The following TSNAXIP1 variants were observed in gnomAD, a reference collection of about 807,000 sequenced individuals.
TSNAXIP1 encodes translin associated factor X interacting protein 1, also known as translin-associated factor X-interacting protein 1.
In TSNAXIP1, 89 loss-of-function variants were observed where a neutral mutation model predicts 84.8. That is an observed-to-expected ratio of 1.05 (90% CI 0.88 to 1.25). TSNAXIP1 has a LOEUF of 1.25. Among genes scored for constraint, TSNAXIP1 ranks in the 50% most tolerant of loss-of-function variants. The pLI, the probability that TSNAXIP1 is intolerant of heterozygous loss-of-function variation, is 0.00. For synonymous variants in TSNAXIP1, 347 were observed against 335.2 expected (o/e 1.04, Z -0.39); for missense variants, 874 against 887.6 (o/e 0.98, Z 0.20).
In TSNAXIP1 at chr16:67,826,428, C is replaced by T. The variant is rs1708055865; in HGVS notation, c.1276-9C>T. 1.2e-6 allele frequency: 2 copies of T among 1,613,274 alleles called. No individual in the cohort carries two copies. The highest frequency in any genetic ancestry group is 1.7e-6 in the Non-Finnish European group (2 of 1,179,964). On this transcript the variant is annotated splice_polypyrimidine_tract_variant and intron_variant, in intron 10 of 15. Transcript: ENST00000561639. ...GGGTCCAGAGATGAGCTGATATCCT[C>T]CCTCCTAGGGCTATGGGGAAGCCAT... is the stretch of plus-strand genomic sequence containing the variant.
intron 2 of TSNAXIP1, among the ~76,000 whole-genome samples, chr16:67,814,806 C>T: frequency 6.6e-6 from 1 of 152,116 alleles, no homozygotes; most frequent in Non-Finnish European, 1.5e-5. Context: ...GTGACTGTAT[C>T]TTTCTATCTT....
In TSNAXIP1 at chr16:67,809,266, G is replaced by A. The variant is rs183177304; in HGVS notation, c.47+2070G>A. On this transcript the variant is annotated intron_variant, in intron 1 of 15. Coordinates refer to ENST00000561639, the MANE Select transcript of TSNAXIP1 (RefSeq NM_001288990.3). ...GCGCGGATCACGGGGTCAAAAGATC[G>A]AGACAATCCTGGCCAACATGGTAAA... Among the ~76,000 whole-genome samples, 828 of 147,448 alleles carry A rather than the reference G, an allele frequency of 5.6e-3. 2 individuals are homozygous for A. Among genetic ancestry groups the A allele is most frequent in the Non-Finnish European group, 0.01 (682 of 67,026 alleles).
intron 2 of TSNAXIP1, among the ~76,000 whole-genome samples, chr16:67,819,386 G>A (rs139290028): frequency 0.03 from 4,410 of 148,640 alleles, 93 homozygotes; most frequent in Middle Eastern, 0.17. Context: ...TGGGAATACA[G>A]GCGTGTGCCA....
intron 2 of TSNAXIP1, among the ~76,000 whole-genome samples, chr16:67,820,619 C>T (rs562781484): frequency 2.8e-4 from 42 of 151,962 alleles, no homozygotes; most frequent in Non-Finnish European, 5.4e-4. Flanking sequence ...GTGGTGGGTG[C>T]TTGTAATCTC....
At chr16:67,823,554 A>G (rs1037924212) in intron 4 of TSNAXIP1, 72 bp from the exon 5 acceptor site, 1 of 1,315,976 alleles carries the variant, frequency 7.6e-7, no homozygotes, top group African/African-American at 1.5e-5. Flanking sequence ...GGAAAAAAGA[A>G]AAAGAAAAAC....
chr16:67,826,089 G>T lies in TSNAXIP1; in HGVS notation c.1144+13G>T, dbSNP rs199844967. Reference sequence around the variant, plus strand: ...ACCAAGTGCAAAGGTGAGGGCAGCCGGCAGGGCCCCAGGTCCTGCTTACAT... The same window carrying T: ...ACCAAGTGCAAAGGTGAGGGCAGCCTGCAGGGCCCCAGGTCCTGCTTACAT... On this transcript the variant is annotated intron_variant, in intron 9 of 15. Coordinates refer to ENST00000561639, the MANE Select transcript of TSNAXIP1 (RefSeq NM_001288990.3). 143 of 1,613,214 alleles carry T rather than the reference G, an allele frequency of 8.9e-5. No individual in the cohort carries two copies. Among genetic ancestry groups the T allele is most frequent in the Non-Finnish European group, 1.2e-4 (136 of 1,180,034 alleles).
In TSNAXIP1 at chr16:67,821,114, C is replaced by A. The variant is rs2057015951; in HGVS notation, c.276C>A (p.His92Gln). 1 of 1,613,278 alleles carries A rather than the reference C, an allele frequency of 6.2e-7. No individual in the cohort carries two copies. Among genetic ancestry groups the A allele is most frequent in the South Asian group, 1.1e-5 (1 of 91,000 alleles). Residue 92 changes from histidine (H) to glutamine (Q), a missense_variant, in exon 4 of 16, where the codon CAC (histidine) becomes CAA (glutamine). By Grantham distance (24) the His-to-Gln change is conservative. Transcript: ENST00000561639. ...YRKRVGSCQQHPFRTAKPQYL... is the reference protein window; with the variant it reads ...YRKRVGSCQQQPFRTAKPQYL... ...TCCCCTGCAGGAGCTGCCAGCAGCA[C>A]CCCTTTCGCACTGCCAAGCCCCAGT...
intron 6 of TSNAXIP1, 116 bp from the exon 7 acceptor site, chr16:67,825,021 T>A: frequency 7.1e-7 from 1 of 1,401,332 alleles, no homozygotes; most frequent in South Asian, 1.4e-5. Flanking sequence ...TTCTTTCACC[T>A]TTCCTGTTCA....
chr16:67,810,488 G>T (rs2055954018), intron 1 of TSNAXIP1, among the ~76,000 whole-genome samples: 1 of 151,710 alleles, frequency 6.6e-6, no homozygotes, highest in South Asian at 2.1e-4. Context: ...GCTTGGTGGT[G>T]CTCACCTGCA....
intron 2 of TSNAXIP1, among the ~76,000 whole-genome samples, chr16:67,815,407 C>T (rs1286881551): frequency 7.1e-6 from 1 of 140,198 alleles, no homozygotes. Flanking sequence ...GCAGTTATGG[C>T]TCGCTGCAGT....
At chr16:67,820,797 G>A (rs2056979263) in intron 2 of TSNAXIP1, 42 bp from the exon 3 acceptor site, 2 of 1,390,628 alleles carry the variant, frequency 1.4e-6, no homozygotes, top group Non-Finnish European at 9.7e-7. Flanking sequence ...TTAGGAAGGG[G>A]AGCAATGTTG....
chr16:67,820,249 G>A (rs1353438867), intron 2 of TSNAXIP1, among the ~76,000 whole-genome samples: 2 of 152,028 alleles, frequency 1.3e-5, no homozygotes, highest in East Asian at 1.9e-4. Context: ...GAGCCACCGC[G>A]CCCGACTATG....
intron 1 of TSNAXIP1, 72 bp from the exon 2 acceptor site, chr16:67,814,230 C>A: frequency 8.1e-7 from 1 of 1,241,856 alleles, no homozygotes; most frequent in Non-Finnish European, 1.1e-6. Context: ...CCTTGTGGAT[C>A]TAGAAAGGAT....
chr16:67,825,987 G>A lies in TSNAXIP1; in HGVS notation c.1055G>A (p.Ser352Asn). Reference protein sequence around the residue: ...EHEILMQLHMSTLKERDQFFS... With the variant: ...EHEILMQLHMNTLKERDQFFS... ...GAGATCCTCATGCAGCTGCACATGAGCACGCTGAAGGAACGGGACCAATTC... is the reference window on the plus strand; with the variant it reads ...GAGATCCTCATGCAGCTGCACATGAACACGCTGAAGGAACGGGACCAATTC... The change falls in exon 9 of 16, where the codon AGC becomes AAC. Residue 352 changes from serine to asparagine, a missense_variant. Coordinates refer to ENST00000561639, the MANE Select transcript of TSNAXIP1 (RefSeq NM_001288990.3). 6.2e-7 allele frequency: 1 copy of A among 1,614,074 alleles called. No homozygotes were observed.
Position 67,824,698 on chromosome 16 carries a change from C to A in TSNAXIP1, c.597C>A (p.Ile199=). The change falls in exon 6 of 16, where the codon ATC becomes ATA. Residue 199 remains isoleucine, a synonymous_variant. Transcript: ENST00000561639. The part of the protein sequence containing the change: ...LAMRAEEKYE[I]SLLKKEKMNL... ...TGAGAGCTGAGGAGAAATATGAAAT[C>A]TCCCTGCTCAAGAAAGAGAAGATGA... is the stretch of plus-strand genomic sequence containing the variant. 6 of 1,614,162 alleles carry A rather than the reference C, an allele frequency of 3.7e-6. No homozygotes were observed. Among genetic ancestry groups the A allele is most frequent in the Non-Finnish European group, 4.2e-6 (5 of 1,180,030 alleles).
intron 4 of TSNAXIP1, among the ~76,000 whole-genome samples, chr16:67,822,607 A>G (rs1340823871): frequency 4.6e-5 from 7 of 152,184 alleles, no homozygotes; most frequent in Admixed American, 3.3e-4. Flanking sequence ...TCCAACCCAG[A>G]TACCAGTGTA....
In TSNAXIP1 at chr16:67,827,734, T is replaced by A; in HGVS notation, c.1899-19T>A. 3 of 1,613,536 alleles carry A rather than the reference T, an allele frequency of 1.9e-6. No homozygotes were observed. Among genetic ancestry groups the A allele is most frequent in the Non-Finnish European group, 2.5e-6 (3 of 1,179,944 alleles). ...GAGAGGAGGGGTCAGGGCCTGTCACTCTCTTTCCTGTGGGGCAGCCATGAG... is the reference window on the plus strand; with the variant it reads ...GAGAGGAGGGGTCAGGGCCTGTCACACTCTTTCCTGTGGGGCAGCCATGAG... On this transcript the variant is annotated intron_variant, in intron 15 of 15. Coordinates refer to ENST00000561639, the MANE Select transcript of TSNAXIP1 (RefSeq NM_001288990.3).
Position 67,826,296 on chromosome 16 carries a change from C to T in TSNAXIP1, c.1275+14C>T, listed in dbSNP as rs974668198. 3.2e-6 allele frequency: 5 copies of T among 1,577,210 alleles called. No homozygotes were observed. The highest frequency in any genetic ancestry group is 4.3e-6 in the Non-Finnish European group (5 of 1,159,856). On this transcript the variant is annotated intron_variant, in intron 10 of 15. Coordinates refer to ENST00000561639, the MANE Select transcript of TSNAXIP1 (RefSeq NM_001288990.3). Reference sequence around the variant, plus strand: ...TTCCCTGGTCTGGTAGGGGAGGCCCCAGGAGTGGGGCTTGGGCCAGAGTCA... The same window carrying T: ...TTCCCTGGTCTGGTAGGGGAGGCCCTAGGAGTGGGGCTTGGGCCAGAGTCA...
chr16:67,825,595 A>G, intron 7 of TSNAXIP1, 72 bp from the exon 8 acceptor site: 1 of 1,533,622 alleles, frequency 6.5e-7, no homozygotes, highest in Non-Finnish European at 8.8e-7. Context: ...CCAAACAGGA[A>G]GGGCAGAGGG....
Sources: allele counts gnomAD v4.1 joint callset (sites outside exome capture counted in the v4.1 genomes callset), GRCh38; gene constraint gnomAD v4.1.1; transcripts MANE v1.5; gene names NCBI Gene and HGNC (gene_info 2026-07-23, HGNC 2026-07-21).